SLC17A1: variants seen among roughly 807,000 people sequenced by gnomAD.
SLC17A1 encodes the protein solute carrier family 17 member 1.
SLC17A1 carries 51 observed loss-of-function variants against 53.5 expected under a neutral mutation model. The ratio of observed to expected loss-of-function variants is 0.95; its 90% confidence interval spans 0.76 to 1.20. The LOEUF (loss-of-function observed/expected upper bound fraction) is 1.20, where lower values mean the gene tolerates loss of function less well. Among genes scored for constraint, SLC17A1 ranks in the 50% most tolerant of loss-of-function variants. The pLI is 0.00. For missense variants in SLC17A1, 538 were observed against 568.2 expected (o/e 0.95, Z 0.54); for synonymous variants, 179 against 198.8 (o/e 0.90, Z 0.84).
intron 10 of SLC17A1, among the ~76,000 whole-genome samples, chr6:25,801,336 G>T (rs1763753018): frequency 6.6e-6 from 1 of 152,168 alleles, no homozygotes; most frequent in South Asian, 2.1e-4. Context: ...GAAGGGCTTT[G>T]TTCACCTGGT....
chr6:25,815,379 T>TA (rs199542920), intron 6 of SLC17A1, among the ~76,000 whole-genome samples: 138 of 147,710 alleles, frequency 9.3e-4, no homozygotes, highest in African/African-American at 3.1e-3. Flanking sequence ...CAAGAATAAA[T>TA]AAAAAAAAAA....
At chr6:25,785,244 A>G (rs1326546391) in intron 12 of SLC17A1, among the ~76,000 whole-genome samples, 1 of 152,146 alleles carries the variant, frequency 6.6e-6, no homozygotes, top group Non-Finnish European at 1.5e-5. Context: ...GTAGAAAGAA[A>G]TTAAAGAAGC....
intron 10 of SLC17A1, among the ~76,000 whole-genome samples, chr6:25,804,126 T>A (rs1049380171): frequency 3.9e-5 from 6 of 152,152 alleles, no homozygotes; most frequent in African/African-American, 1.4e-4. Flanking sequence ...CTGACTTATA[T>A]AGATATTTCT....
At chr6:25,795,784 A>T (rs1052421812) in intron 12 of SLC17A1, among the ~76,000 whole-genome samples, 1 of 152,172 alleles carries the variant, frequency 6.6e-6, no homozygotes, top group African/African-American at 2.4e-5. Context: ...TTGTCATATC[A>T]ATATCAGAAA....
intron 10 of SLC17A1, among the ~76,000 whole-genome samples, chr6:25,802,207 T>A (rs1763800186): frequency 6.6e-6 from 1 of 152,216 alleles, no homozygotes; most frequent in African/African-American, 2.4e-5. Flanking sequence ...TTCTTCCACC[T>A]ACGAGTTTGT....
intron 3 of SLC17A1, among the ~76,000 whole-genome samples, chr6:25,821,893 A>G (rs1204268107): frequency 6.6e-6 from 1 of 151,318 alleles, no homozygotes; most frequent in African/African-American, 2.4e-5. Context: ...GAAATATATA[A>G]TACCTCAGTA....
At chr6:25,768,520 C>A in the SLC17A1 span, 1 of 404,758 alleles carries the variant, frequency 2.5e-6, no homozygotes, top group Non-Finnish European at 3.4e-6. Context: ...CATCTCTCCC[C>A]AGCCCCAGAC....
At chr6:25,825,261 T>C (rs1007127203) in intron 3 of SLC17A1, among the ~76,000 whole-genome samples, 3 of 151,992 alleles carry the variant, frequency 2.0e-5, no homozygotes, top group African/African-American at 7.2e-5. Flanking sequence ...ATCTTTTAAC[T>C]TTTCTTTTGT....
the SLC17A1 span, chr6:25,726,858 T>C: frequency 6.4e-7 from 1 of 1,558,724 alleles, no homozygotes; most frequent in Non-Finnish European, 8.6e-7. Context: ...TGGAAAGTGC[T>C]GTGTAACCCT....
intron 10 of SLC17A1, among the ~76,000 whole-genome samples, chr6:25,802,796 C>T (rs1335344773): frequency 1.3e-5 from 2 of 151,256 alleles, no homozygotes; most frequent in African/African-American, 2.4e-5. Context: ...ATTTTGTTCT[C>T]TCTCAGTCTC....
the SLC17A1 span, chr6:25,726,034 T>C: frequency 8.9e-7 from 1 of 1,121,028 alleles, no homozygotes; most frequent in African/African-American, 1.5e-5. Context: ...CAGTAACGTT[T>C]TGTAACGTAC....
chr6:25,738,084 A>G, the SLC17A1 span, among the ~76,000 whole-genome samples: 2 of 152,360 alleles, frequency 1.3e-5, no homozygotes, highest in South Asian at 4.1e-4. Context: ...AAAAATCACA[A>G]TAAATCTTAA....
the SLC17A1 span, among the ~76,000 whole-genome samples, chr6:25,751,208 G>A: frequency 5.3e-5 from 8 of 152,138 alleles, no homozygotes; most frequent in Non-Finnish European, 1.0e-4. Context: ...TCAACCTGAC[G>A]AGATAATATC....
chr6:25,798,369 T>C (rs1025723086), intron 12 of SLC17A1, among the ~76,000 whole-genome samples: 3 of 152,176 alleles, frequency 2.0e-5, no homozygotes, highest in African/African-American at 7.2e-5. Context: ...ACCTTTAAAG[T>C]TTCTCTTGCC....
intron 10 of SLC17A1, 88 bp downstream of exon 10, chr6:25,811,310 C>A: frequency 1.5e-6 from 2 of 1,356,938 alleles, no homozygotes; most frequent in Non-Finnish European, 1.0e-6. Flanking sequence ...ACAAAGTATC[C>A]ATATTTTAAA....
the SLC17A1 span, chr6:25,732,611 C>A: frequency 9.3e-7 from 1 of 1,073,538 alleles, no homozygotes; most frequent in Non-Finnish European, 1.4e-6. Context: ...AGTACCTGGC[C>A]TCCGACACCC....
At chr6:25,824,697 A>C (rs950232016) in intron 3 of SLC17A1, among the ~76,000 whole-genome samples, 3 of 151,874 alleles carry the variant, frequency 2.0e-5, no homozygotes, top group African/African-American at 7.2e-5. Context: ...TTCAGGTATA[A>C]ATGATATATC....
the SLC17A1 span, among the ~76,000 whole-genome samples, chr6:25,728,567 C>A: frequency 6.6e-6 from 1 of 152,230 alleles, no homozygotes; most frequent in African/African-American, 2.4e-5. Flanking sequence ...TGTAATCCTG[C>A]ACTTTGGGAG....
the SLC17A1 span, among the ~76,000 whole-genome samples, chr6:25,746,084 T>A: frequency 6.6e-6 from 1 of 152,232 alleles, no homozygotes; most frequent in Admixed American, 6.5e-5. Context: ...ATCAATCTAG[T>A]GAACTTAAAT....
Sources: allele counts gnomAD v4.1 joint callset (sites outside exome capture counted in the v4.1 genomes callset), GRCh38; gene constraint gnomAD v4.1.1; transcripts MANE v1.5; gene names NCBI Gene and HGNC (gene_info 2026-07-23, HGNC 2026-07-21).